MYBBP1A: variants seen among roughly 807,000 people sequenced by gnomAD.
MYBBP1A encodes myb-binding protein 1A.
MYBBP1A carries 147 observed loss-of-function variants against 136.3 expected under a neutral mutation model. The observed-to-expected ratio is 1.08, with a 90% CI of 0.94 to 1.24. The LOEUF (loss-of-function observed/expected upper bound fraction) is 1.24. Ranked by LOEUF, MYBBP1A falls within the 50% of genes most tolerant of loss-of-function variation. The pLI is 0.00. For synonymous variants in MYBBP1A, 947 were observed against 735.8 expected (o/e 1.29, Z -4.65); for missense variants, 2,060 against 1,727.4 (o/e 1.19, Z -3.41).
chr17:4,553,085 G>T (rs1275941842), intron 5 of MYBBP1A, among the ~76,000 whole-genome samples: 1 of 152,188 alleles, frequency 6.6e-6, no homozygotes, highest in Non-Finnish European at 1.5e-5. Context: ...GCCTCCCAAA[G>T]TTCTGGGATT....
chr17:4,543,887 TTC>T (rs1491587599), intron 19 of MYBBP1A, among the ~76,000 whole-genome samples: 1 of 127,212 alleles, frequency 7.9e-6, no homozygotes. Flanking sequence ...ACTCAGACCC[TTC>T]CCCACGCCAC....
rs772181337 is a variant in MYBBP1A at position 4,542,705 on chromosome 17, C to T, written c.2929G>A (p.Val977Met). The stretch of plus-strand genomic sequence containing the variant: ...AAGGAGCTCAGTGCTGTCGAGTACA[C>T]CCGGGTCACCAGGTTCAAGTCCAAG... ...SCLDLNLVTR[V>M]YSTALSSFLT... The change falls in exon 21 of 26, where the codon GTG (valine) becomes ATG (methionine). Residue 977 changes from valine to methionine, a missense_variant. By Grantham distance (21) the Val-to-Met change is conservative. Transcript: ENST00000254718. 9 of 1,614,030 alleles carry T rather than the reference C, an allele frequency of 5.6e-6. No individual in the cohort carries two copies. Among genetic ancestry groups the T allele is most frequent in the Admixed American group, 3.3e-5 (2 of 60,026 alleles).
Position 4,539,427 on chromosome 17 carries a change from T to C in MYBBP1A, c.3975A>G (p.Ala1325=), listed in dbSNP as rs749190129. The C allele has an allele frequency of 2.5e-6, 4 of 1,610,912 alleles. No individual in the cohort carries two copies. The highest frequency in any genetic ancestry group is 1.7e-5 in the Admixed American group (1 of 59,942). Residue 1325 remains alanine, a synonymous_variant, in exon 26 of 26, where the codon GCA becomes GCG. Coordinates refer to ENST00000254718, the MANE Select transcript of MYBBP1A (RefSeq NM_014520.4). ...GAKKKAQVRK[A]GKP is the part of the protein sequence containing the mutation. ...CCCGTACCTGTGCTCAGGGCTTCCC[T>C]GCCTTCCTCACCTGTGCTTTCTTCT... is the stretch of plus-strand genomic sequence containing the variant.
rs185592714 is a variant in MYBBP1A, at chr17:4,543,373, C to T, written c.2640-208G>A. 3,736 of 649,188 alleles carry T rather than the reference C, an allele frequency of 5.8e-3. 31 individuals are homozygous for T. Among genetic ancestry groups the T allele is most frequent in the South Asian group, 9.0e-3 (431 of 47,882 alleles). 40.2% of individuals were successfully genotyped at this position (649,188 alleles called of 1,614,324 possible). Reference sequence around the variant, plus strand: ...AGAGTGCTGGGGTGACAGGGGCGCTCCAGGGGAGAACAGAACAGCTCCCTG... The same window carrying T: ...AGAGTGCTGGGGTGACAGGGGCGCTTCAGGGGAGAACAGAACAGCTCCCTG... On this transcript the variant is annotated intron_variant, in intron 19 of 25. Transcript: ENST00000254718.
chr17:4,550,271 C>G lies in MYBBP1A; in HGVS notation c.1106G>C (p.Arg369Pro). 1 of 1,613,580 alleles carries G rather than the reference C, an allele frequency of 6.2e-7. No homozygotes were observed. Among genetic ancestry groups the G allele is most frequent in the Non-Finnish European group, 8.5e-7 (1 of 1,180,026 alleles). Residue 369 changes from arginine (R) to proline (P), a missense_variant, in exon 9 of 26, where the codon CGG (arginine) becomes CCG (proline). Arg to Pro is a moderately radical substitution (Grantham distance 103). Transcript: ENST00000254718. ...GAAGGCCACTAGCACGGCCAGCTGC[C>G]GCTCAGGGTCATCCTGGCACCCCTC... The part of the protein sequence containing the change: ...FLEGCQDDPE[R>P]QLAVLVAFSS...
chr17:4,547,345 C>T (rs1230227677), intron 13 of MYBBP1A, among the ~76,000 whole-genome samples: 24 of 152,196 alleles, frequency 1.6e-4, no homozygotes, highest in Non-Finnish European at 4.4e-5. Context: ...TATCAAAGGC[C>T]TGACGTCAAG....
rs1415541078 is a variant in MYBBP1A, at chr17:4,540,293, C to T, written c.3434+55G>A. On this transcript the variant is annotated intron_variant, in intron 25 of 25. Transcript: ENST00000254718. ...TGCAGCGTGTGTGTGTGTGCAGCAG[C>T]GTGAGGGTGTTCCCAGCCCCTACCC... 2.2e-5 allele frequency: 34 copies of T among 1,548,172 alleles called. No individual in the cohort carries two copies. The East Asian group carries it at 4.1e-4, about 18-fold the overall frequency.
rs778557885 is a variant in MYBBP1A, at chr17:4,548,188, G to A, written c.1679C>T (p.Thr560Ile). Residue 560 changes from threonine (T) to isoleucine (I), a missense_variant, in exon 12 of 26, where the codon ACC becomes ATC. Thr to Ile is a moderately conservative substitution (Grantham distance 89). Transcript: ENST00000254718. The surrounding 1 kb of genome is among the most constrained non-coding windows in gnomAD (Gnocchi z 4.2). ...CTGCGCAGTGAAGGGTGTCACGGTG[G>A]TCACGTTGTGGCTGTGATTCAACAG... Reference protein sequence around the residue: ...DLLLNHSHNVTTVTPFTAQQR... With the variant: ...DLLLNHSHNVITVTPFTAQQR... 6.2e-7 allele frequency: 1 copy of A among 1,606,652 alleles called. No homozygotes were observed.
In MYBBP1A at chr17:4,552,365, A is replaced by C. The variant is rs1468843956; in HGVS notation, c.738-73T>G. 1 of 1,603,846 alleles carries C rather than the reference A, an allele frequency of 6.2e-7. No individual in the cohort carries two copies. Among genetic ancestry groups the C allele is most frequent in the East Asian group, 2.2e-5 (1 of 44,780 alleles). On this transcript the variant is annotated intron_variant, in intron 6 of 25. Coordinates refer to ENST00000254718, the MANE Select transcript of MYBBP1A (RefSeq NM_014520.4). This position sits in a 1 kb window ranked among gnomAD's most constrained non-coding sequence, Gnocchi z 4.7. ...CCAGGGTGACAAGAGCAGCCGGGAC[A>C]CCCCCAGGCCAAACGACAAATCTGG...
Position 4,547,993 on chromosome 17 carries a change from G to T in MYBBP1A, c.1789C>A (p.His597Asn). 1 of 1,533,330 alleles carries T rather than the reference G, an allele frequency of 6.5e-7. No homozygotes were observed. Among genetic ancestry groups the T allele is most frequent in the African/African-American group, 1.4e-5 (1 of 72,916 alleles). 95.0% of individuals were successfully genotyped at this position (1,533,330 alleles called of 1,614,324 possible). The change falls in exon 13 of 26, where the codon CAC becomes AAC. Residue 597 changes from histidine to asparagine, a missense_variant. By Grantham distance (68) the His-to-Asn change is moderately conservative. Coordinates refer to ENST00000254718, the MANE Select transcript of MYBBP1A (RefSeq NM_014520.4). ...SAEARAAAFQ[H>N]LLLLVGIHLL... ...TGGATGCCCACGAGGAGCAGAAGGTGCTGGAAGGCAGCAGCCCTGGCCTCT... is the reference window on the plus strand; with the variant it reads ...TGGATGCCCACGAGGAGCAGAAGGTTCTGGAAGGCAGCAGCCCTGGCCTCT...
chr17:4,539,590 G>A lies in MYBBP1A; in HGVS notation c.3812C>T (p.Pro1271Leu). The change falls in exon 26 of 26, where the codon CCT (proline) becomes CTT (leucine). Residue 1271 changes from proline to leucine, a missense_variant. Physicochemically the swap from Pro to Leu is moderately conservative, Grantham distance 98. Transcript: ENST00000254718. The stretch of plus-strand genomic sequence containing the variant: ...CTTCTGATGCTGCTTTTGGCCTGCA[G>A]GTTCCGTGGGGGACCCGGGAGCTCC... The part of the protein sequence containing the change: ...VNGAPGSPTE[P>L]AGQKQHQKAL... The A allele has an allele frequency of 6.2e-7, 1 of 1,614,140 alleles. No individual in the cohort carries two copies. The highest frequency in any genetic ancestry group is 8.5e-7 in the Non-Finnish European group (1 of 1,180,024).
chr17:4,547,894 G>A lies in MYBBP1A; in HGVS notation c.1824+64C>T, dbSNP rs944572851. The A allele has an allele frequency of 1.6e-5, 21 of 1,330,534 alleles. 2 individuals carry two copies. Among genetic ancestry groups the A allele is most frequent in the East Asian group, 1.0e-4 (4 of 38,908 alleles). The allele number at this position is 1,330,534 out of a possible 1,614,324, so 82.4% of individuals were successfully genotyped here. ...CCCGCACAGCCCTCAAAAGCCTCTC[G>A]GTAGGGGGCCCATTGTGCCATAGAA... On this transcript the variant is annotated intron_variant, in intron 13 of 25. Coordinates refer to ENST00000254718, the MANE Select transcript of MYBBP1A (RefSeq NM_014520.4).
At position 4,545,504 on chromosome 17, in the gene MYBBP1A, C is replaced by T; in HGVS notation, c.2073+106G>A. 7.3e-6 allele frequency: 11 copies of T among 1,499,134 alleles called. No homozygotes were observed. The South Asian group carries it at 1.4e-4, about 20-fold the overall frequency. 92.9% of individuals were successfully genotyped at this position (1,499,134 alleles called of 1,614,324 possible). A position where few individuals can be genotyped will look rare whatever the true frequency, so the allele number is the denominator to read the frequency against. On this transcript the variant is annotated intron_variant, in intron 15 of 25. Transcript: ENST00000254718. The stretch of plus-strand genomic sequence containing the variant: ...GCCTCGTTGAGACCCCTCCCACCGG[C>T]CGCAGGCTCCCGGCAGGGAGGCTGG...
chr17:4,550,139 A>G lies in MYBBP1A; in HGVS notation c.1238T>C (p.Met413Thr). ...LQGYVAWLRA[M>T]FLQPDLDSLV... ...GGAGTCCAGGTCTGGCTGGAGAAACATGGCCCGCAGCCAGGCCACATAGCC... is the reference window on the plus strand; with the variant it reads ...GGAGTCCAGGTCTGGCTGGAGAAACGTGGCCCGCAGCCAGGCCACATAGCC... The change falls in exon 9 of 26, where the codon ATG (methionine) becomes ACG (threonine). Residue 413 changes from methionine (M) to threonine (T), a missense_variant. By Grantham distance (81) the Met-to-Thr change is moderately conservative. Transcript: ENST00000254718. 1 of 1,614,002 alleles carries G rather than the reference A, an allele frequency of 6.2e-7. No homozygotes were observed. The highest frequency in any genetic ancestry group is 8.5e-7 in the Non-Finnish European group (1 of 1,180,036).
At chr17:4,550,390 C>G (rs757417371) in intron 8 of MYBBP1A, 37 bp from the exon 9 acceptor site, 1 of 1,573,128 alleles carries the variant, frequency 6.4e-7, no homozygotes, top group African/African-American at 1.3e-5. Context: ...CCCACCAGCC[C>G]AGGGGGGCAG....
chr17:4,551,223 T>C (rs549921580), intron 8 of MYBBP1A, among the ~76,000 whole-genome samples: 2 of 152,326 alleles, frequency 1.3e-5, no homozygotes, highest in South Asian at 4.1e-4. Flanking sequence ...ACTGCAAAGA[T>C]AAAATGAGCT....
intron 17 of MYBBP1A, 33 bp downstream of exon 17, chr17:4,544,993 C>T: frequency 6.9e-7 from 1 of 1,452,288 alleles, no homozygotes. Context: ...CGAGCCCTCC[C>T]CGGCCGCCCC....
chr17:4,546,571 C>A (rs991509927), intron 13 of MYBBP1A, among the ~76,000 whole-genome samples: 2 of 152,204 alleles, frequency 1.3e-5, no homozygotes, highest in African/African-American at 4.8e-5. Flanking sequence ...AAGCCCCAGC[C>A]CCCAATTCAT....
At chr17:4,540,573 G>A in intron 24 of MYBBP1A, 89 bp from the exon 25 acceptor site, 1 of 1,421,478 alleles carries the variant, frequency 7.0e-7, no homozygotes, top group Non-Finnish European at 9.3e-7. Flanking sequence ...CCCTGTTGCT[G>A]CCTCACCAGT....
Sources: gnomAD v4.1 joint callset for allele counts (sites outside exome capture counted in the v4.1 genomes callset) on GRCh38, gnomAD v4.1.1 for gene constraint, Gnocchi (gnomAD v3.1) non-coding constraint, MANE v1.5 for transcripts, NCBI Gene and HGNC (gene_info 2026-07-23, HGNC 2026-07-21) for gene names.